CUL7: variants seen among roughly 807,000 people sequenced by gnomAD.
CUL7 encodes the protein cullin-7.
A neutral mutation model predicts 177.7 loss-of-function variants in CUL7; 96 were observed. That is an observed-to-expected ratio of 0.54 (90% CI 0.46 to 0.64). The LOEUF is 0.64. CUL7 is among the 30% of genes least tolerant of loss of function. CUL7 has a pLI of 0.00. For synonymous variants in CUL7, 824 were observed against 890.2 expected (o/e 0.93, Z 1.32); for missense variants, 1,893 against 2,187.9 (o/e 0.87, Z 2.69).
chr6:43,052,434 G>A lies in CUL7; in HGVS notation c.355C>T (p.Gln119Ter). 1 of 1,614,112 alleles carries A rather than the reference G, an allele frequency of 6.2e-7. No individual in the cohort carries two copies. Among genetic ancestry groups the A allele is most frequent in the African/African-American group, 1.3e-5 (1 of 75,062 alleles). Reference sequence around the variant, plus strand: ...TCCTCCAGCTGCCGAAGGGCTCTCTGAATGAGGGACTTCACGTCGGTTTCC... The same window carrying A: ...TCCTCCAGCTGCCGAAGGGCTCTCTAAATGAGGGACTTCACGTCGGTTTCC... Reference protein sequence around the residue: ...EMETDVKSLIQRALRQLEECV... With the variant: ...EMETDVKSLI The change falls in exon 2 of 26, where the codon CAG becomes TAG. Residue 119 changes from glutamine (Q) to a stop codon, truncating the protein, a stop_gained. Transcript: ENST00000265348. LOFTEE classifies it high-confidence loss of function. This position sits in a 1 kb window ranked among gnomAD's most constrained non-coding sequence, Gnocchi z 4.5.
In CUL7 at chr6:43,038,330, G is replaced by A; in HGVS notation, c.4710C>T (p.Leu1570=). 6.2e-7 allele frequency: 1 copy of A among 1,614,198 alleles called. No individual in the cohort carries two copies. Among genetic ancestry groups the A allele is most frequent in the Non-Finnish European group, 8.5e-7 (1 of 1,180,032 alleles). The part of the protein sequence containing the change: ...LEKRRNLLNC[L]IVRILKAHGD... Reference sequence around the variant, plus strand: ...CATGGGCCTTGAGGATTCGGACGATGAGGCAGTTCAGAAGATTCCGTCTCT... The same window carrying A: ...CATGGGCCTTGAGGATTCGGACGATAAGGCAGTTCAGAAGATTCCGTCTCT... Residue 1570 remains leucine (L), a synonymous_variant, in exon 25 of 26, where the codon CTC becomes CTT. Coordinates refer to ENST00000265348, the MANE Select transcript of CUL7 (RefSeq NM_014780.5).
chr6:43,052,753 C>T lies in CUL7; in HGVS notation c.36G>A (p.Val12=). The change falls in exon 2 of 26, where the codon GTG becomes GTA. Residue 12 remains valine (V), a synonymous_variant. Coordinates refer to ENST00000265348, the MANE Select transcript of CUL7 (RefSeq NM_014780.5). The surrounding 1 kb of genome is among the most constrained non-coding windows in gnomAD (Gnocchi z 4.5). ...VGELRYREFR[V]PLGPGLHAYP... ...AGGCATGTAAGCCGGGCCCCAGGGG[C>T]ACCCTGAATTCCCTGTAGCGGAGTT... 1.2e-6 allele frequency: 2 copies of T among 1,609,574 alleles called. No homozygotes were observed. The highest frequency in any genetic ancestry group is 1.7e-6 in the Non-Finnish European group (2 of 1,180,010).
At position 43,040,348 on chromosome 6, in the gene CUL7, C is replaced by A; in HGVS notation, c.4102G>T (p.Ala1368Ser). The A allele has an allele frequency of 6.2e-7, 1 of 1,613,772 alleles. No individual in the cohort carries two copies. Among genetic ancestry groups the A allele is most frequent in the South Asian group, 1.1e-5 (1 of 91,084 alleles). ...TCCTCCTCTTCCTCCTCTCCCTCCGCCACATCCACCACTGCTGCTGCCCCA... is the reference window on the plus strand; with the variant it reads ...TCCTCCTCTTCCTCCTCTCCCTCCGACACATCCACCACTGCTGCTGCCCCA... Reference protein sequence around the residue: ...EAGAAAVVDVAEGEEEEEENE... With the variant: ...EAGAAAVVDVSEGEEEEEENE... Residue 1368 changes from alanine (A) to serine (S), a missense_variant, in exon 22 of 26, where the codon GCG (alanine) becomes TCG (serine). Transcript: ENST00000265348. The surrounding 1 kb of genome is among the most constrained non-coding windows in gnomAD (Gnocchi z 4.2).
chr6:43,049,124 C>A (rs753719878), intron 7 of CUL7, among the ~76,000 whole-genome samples: 1 of 152,156 alleles, frequency 6.6e-6, no homozygotes, highest in South Asian at 2.1e-4. Context: ...GAGAGCACTT[C>A]CCTTTATTTC....
chr6:43,053,447 G>A lies in CUL7; in HGVS notation c.-9+175C>T, dbSNP rs371513724. Reference sequence around the variant, plus strand: ...GTAGGCGAGGGGCTTGGGGACCGAGGTTGGAGACTGGAGAAGCCAGGGGCG... The same window carrying A: ...GTAGGCGAGGGGCTTGGGGACCGAGATTGGAGACTGGAGAAGCCAGGGGCG... On this transcript the variant is annotated intron_variant, in intron 1 of 25. Coordinates refer to ENST00000265348, the MANE Select transcript of CUL7 (RefSeq NM_014780.5). This position sits in a 1 kb window ranked among gnomAD's most constrained non-coding sequence, Gnocchi z 4.1. 2.8e-4 allele frequency among the ~76,000 whole-genome samples: 42 copies of A among 152,250 alleles called. No homozygotes were observed. In the East Asian group the frequency reaches 7.0e-3, roughly 25 times the overall value.
chr6:43,049,488 G>C lies in CUL7; in HGVS notation c.1744C>G (p.Leu582Val), dbSNP rs768739331. ...AGGACATCTTCTTGGGCTTCTAGAA[G>C]GGATGGGTAGGCTTGGTTCCCTGCT... Reference protein sequence around the residue: ...ALAGNQAYPSLLEAQEDVLLL... With the variant: ...ALAGNQAYPSVLEAQEDVLLL... Residue 582 changes from leucine to valine, a missense_variant, in exon 7 of 26, where the codon CTT becomes GTT. Leu to Val is a conservative substitution (Grantham distance 32). Around this residue, in one of 5 missense-constraint regions of CUL7, gnomAD observed 973 missense variants for 1,140.9 expected, o/e 0.85. Coordinates refer to ENST00000265348, the MANE Select transcript of CUL7 (RefSeq NM_014780.5). 6.2e-7 allele frequency: 1 copy of C among 1,614,226 alleles called. No homozygotes were observed. Among genetic ancestry groups the C allele is most frequent in the South Asian group, 1.1e-5 (1 of 91,090 alleles).
At position 43,042,805 on chromosome 6, in the gene CUL7, G is replaced by A; in HGVS notation, c.3642C>T (p.Ala1214=). 9 of 1,610,342 alleles carry A rather than the reference G, an allele frequency of 5.6e-6. No homozygotes were observed. The highest frequency in any genetic ancestry group is 7.6e-6 in the Non-Finnish European group (9 of 1,177,200). The change falls in exon 19 of 26, where the codon GCC becomes GCT. Residue 1214 remains alanine (A), a synonymous_variant. Transcript: ENST00000265348. ...ALLKLPFLKA[A]HVSEQFARHI... ...TGAGGCAAGGGTAGAGGCTTACGTG[G>A]GCAGCTTTGAGAAAAGGGAGCTTCA...
In CUL7 at chr6:43,045,934, A is replaced by G. The variant is rs1177517561; in HGVS notation, c.2766+52T>C. 2.8e-6 allele frequency: 4 copies of G among 1,427,552 alleles called. No homozygotes were observed. The Admixed American group carries it at 6.8e-5, about 24-fold the overall frequency. The allele number at this position is 1,427,552 out of a possible 1,614,324, so 88.4% of individuals were successfully genotyped here. A position where few individuals can be genotyped will look rare whatever the true frequency, so the allele number is the denominator to read the frequency against. Reference sequence around the variant, plus strand: ...TAGGATAGGGCCAGATAGAAGCAGGAGGGCAGATCCTGTGAGGGGTGGAGT... The same window carrying G: ...TAGGATAGGGCCAGATAGAAGCAGGGGGGCAGATCCTGTGAGGGGTGGAGT... On this transcript the variant is annotated intron_variant, in intron 13 of 25. Transcript: ENST00000265348. This position sits in a 1 kb window ranked among gnomAD's most constrained non-coding sequence, Gnocchi z 4.8.
At chr6:43,041,696 G>T (rs1264419638) in intron 19 of CUL7, among the ~76,000 whole-genome samples, 3 of 147,972 alleles carry the variant, frequency 2.0e-5, no homozygotes, top group African/African-American at 7.4e-5. Context: ...GGGAAGGGAA[G>T]GGAAGGGGAA....
In CUL7 at chr6:43,053,713, G is replaced by C. The variant is rs181740642; in HGVS notation, c.-100C>G. On this transcript the variant is annotated 5_prime_UTR_variant, in exon 1 of 26. Coordinates refer to ENST00000265348, the MANE Select transcript of CUL7 (RefSeq NM_014780.5). The surrounding 1 kb of genome is among the most constrained non-coding windows in gnomAD (Gnocchi z 4.1). ...GCTGGCGGCGACTTGGGCCCCACCTGGGCCCCGCGAGGGGGTCGAGACGGA... is the reference window on the plus strand; with the variant it reads ...GCTGGCGGCGACTTGGGCCCCACCTCGGCCCCGCGAGGGGGTCGAGACGGA... 1.4e-6 allele frequency: 2 copies of C among 1,441,782 alleles called. No homozygotes were observed. Among genetic ancestry groups the C allele is most frequent in the East Asian group, 5.4e-5 (2 of 36,874 alleles). The allele number at this position is 1,441,782 out of a possible 1,614,324, so 89.3% of individuals were successfully genotyped here.
chr6:43,047,079 T>G lies in CUL7; in HGVS notation c.2198A>C (p.His733Pro). ...EVLQELIFFL[H>P]RLTSVSRDYA... ...GTCCCTGCTCACTGAGGTCAGGCGG[T>G]GCAGGAAGAAAATCAGTTCCTGGAG... The change falls in exon 10 of 26, where the codon CAC (histidine) becomes CCC (proline). Residue 733 changes from histidine (H) to proline (P), a missense_variant. Around this residue, in one of 5 missense-constraint regions of CUL7, gnomAD observed 973 missense variants for 1,140.9 expected, o/e 0.85. Coordinates refer to ENST00000265348, the MANE Select transcript of CUL7 (RefSeq NM_014780.5). 1 of 1,612,616 alleles carries G rather than the reference T, an allele frequency of 6.2e-7. No individual in the cohort carries two copies. The highest frequency in any genetic ancestry group is 2.2e-5 in the East Asian group (1 of 44,852).
chr6:43,041,016 T>C lies in CUL7; in HGVS notation c.3705A>G (p.Gly1235=), dbSNP rs1763370560. The stretch of plus-strand genomic sequence containing the variant: ...GTGCCAGCCTCTCCATTTCCTGGGC[T>C]CCACCGATCCGGCTGCCCTGGATCT... ...DQQIQGSRIG[G]AQEMERLAQL... Residue 1235 remains glycine, a synonymous_variant, in exon 20 of 26, where the codon GGA becomes GGG. Transcript: ENST00000265348. The C allele has an allele frequency of 4.3e-6, 7 of 1,613,838 alleles. No individual in the cohort carries two copies. The highest frequency in any genetic ancestry group is 5.9e-6 in the Non-Finnish European group (7 of 1,179,900).
rs1407911990 is a variant in CUL7 at position 43,052,394 on chromosome 6, A to T, written c.395T>A (p.Ile132Asn). Reference sequence around the variant, plus strand: ...AGTGTGAAGTAGAGGAGCAGGAGGGATAGTGCCCACACACTCCTCCAGCTG... The same window carrying T: ...AGTGTGAAGTAGAGGAGCAGGAGGGTTAGTGCCCACACACTCCTCCAGCTG... ...LRQLEECVGTIPPAPLLHTVH... is the reference protein window; with the variant it reads ...LRQLEECVGTNPPAPLLHTVH... Residue 132 changes from isoleucine (I) to asparagine (N), a missense_variant, in exon 2 of 26, where the codon ATC (isoleucine) becomes AAC (asparagine). By Grantham distance (149) the Ile-to-Asn change is moderately radical. Around this residue, in one of 5 missense-constraint regions of CUL7, gnomAD observed 653 missense variants for 725.2 expected, o/e 0.90. Coordinates refer to ENST00000265348, the MANE Select transcript of CUL7 (RefSeq NM_014780.5). The surrounding 1 kb of genome is among the most constrained non-coding windows in gnomAD (Gnocchi z 4.5). 6.2e-7 allele frequency: 1 copy of T among 1,614,206 alleles called. No individual in the cohort carries two copies. Among genetic ancestry groups the T allele is most frequent in the South Asian group, 1.1e-5 (1 of 91,084 alleles).
At chr6:43,049,362 C>T (rs771402096) in intron 7 of CUL7, 45 bp downstream of exon 7, 28 of 1,613,414 alleles carry the variant, frequency 1.7e-5, no homozygotes, top group Admixed American at 3.3e-5. Flanking sequence ...TCCTGTGCTA[C>T]TGCCCTGAAG....
At position 43,052,952 on chromosome 6, in the gene CUL7, G is replaced by A. The variant is rs1242566308; in HGVS notation, c.-8-156C>T. Among the ~76,000 whole-genome samples, 1 of 152,240 alleles carries A rather than the reference G, an allele frequency of 6.6e-6. No homozygotes were observed. Among genetic ancestry groups the A allele is most frequent in the Non-Finnish European group, 1.5e-5 (1 of 68,042 alleles). The stretch of plus-strand genomic sequence containing the variant: ...GTTGCATGCTGCACGCTGGGTGGGG[G>A]CAGGCCTAAGCAGAGAACACTGGGG... On this transcript the variant is annotated intron_variant, in intron 1 of 25. Coordinates refer to ENST00000265348, the MANE Select transcript of CUL7 (RefSeq NM_014780.5). The surrounding 1 kb of genome is among the most constrained non-coding windows in gnomAD (Gnocchi z 4.5).
Position 43,047,078 on chromosome 6 carries a change from G to A in CUL7, c.2199C>T (p.His733=). 6.2e-7 allele frequency: 1 copy of A among 1,612,400 alleles called. No homozygotes were observed. The highest frequency in any genetic ancestry group is 8.5e-7 in the Non-Finnish European group (1 of 1,178,434). ...EVLQELIFFL[H]RLTSVSRDYA... ...AGTCCCTGCTCACTGAGGTCAGGCG[G>A]TGCAGGAAGAAAATCAGTTCCTGGA... Residue 733 remains histidine (H), a synonymous_variant, in exon 10 of 26, where the codon CAC becomes CAT. Transcript: ENST00000265348.
In CUL7 at chr6:43,040,765, G is replaced by A. The variant is rs148105698; in HGVS notation, c.3807-19C>T. ...GTAGTGCCTGCAGTGCATGCAGCCC[G>A]GGCCAAGCCTCAGTGTGGGCACCAG... On this transcript the variant is annotated intron_variant, in intron 20 of 25. Coordinates refer to ENST00000265348, the MANE Select transcript of CUL7 (RefSeq NM_014780.5). This position sits in a 1 kb window ranked among gnomAD's most constrained non-coding sequence, Gnocchi z 4.2. 124 of 1,613,096 alleles carry A rather than the reference G, an allele frequency of 7.7e-5. No individual in the cohort carries two copies. The highest frequency in any genetic ancestry group is 5.6e-4 in the African/African-American group (42 of 75,024).
chr6:43,038,296 C>T lies in CUL7; in HGVS notation c.4744G>A (p.Gly1582Arg). The T allele has an allele frequency of 2.5e-6, 4 of 1,614,180 alleles. No individual in the cohort carries two copies. The highest frequency in any genetic ancestry group is 3.4e-6 in the Non-Finnish European group (4 of 1,180,034). Reference protein sequence around the residue: ...VRILKAHGDEGLHIDQLVCLV... With the variant: ...VRILKAHGDERLHIDQLVCLV... ...CAGACAAGCTGGTCAATGTGCAGCC[C>T]CTCATCTCCATGGGCCTTGAGGATT... The change falls in exon 25 of 26, where the codon GGG becomes AGG. Residue 1582 changes from glycine (G) to arginine (R), a missense_variant. By Grantham distance (125) the Gly-to-Arg change is moderately radical. This residue lies in a region of CUL7 where 248 missense variants were observed against 262.5 expected (regional missense o/e 0.94). Transcript: ENST00000265348.
intron 19 of CUL7, among the ~76,000 whole-genome samples, chr6:43,041,368 G>T (rs1581914035): frequency 6.6e-6 from 1 of 152,190 alleles, no homozygotes. Flanking sequence ...CACTTTGGGA[G>T]GCTGAGACAG....
Sources: gnomAD v4.1 joint callset for allele counts (sites outside exome capture counted in the v4.1 genomes callset) on GRCh38, gnomAD v4.1.1 for gene constraint, gnomAD v4.1.1 regional missense constraint, Gnocchi (gnomAD v3.1) non-coding constraint, MANE v1.5 for transcripts, NCBI Gene and HGNC (gene_info 2026-07-23, HGNC 2026-07-21) for gene names.